TENM4: variants seen among roughly 807,000 people sequenced by gnomAD.
TENM4 encodes teneurin transmembrane protein 4.
TENM4 carries 82 observed loss-of-function variants against 243.3 expected under a neutral mutation model. The ratio of observed to expected loss-of-function variants is 0.34; its 90% CI spans 0.28 to 0.40. TENM4 has a LOEUF of 0.40. TENM4 is among the 10% of genes least tolerant of loss of function. TENM4 has a pLI of 1.00. For missense variants in TENM4, 3,138 were observed against 3,673.3 expected (o/e 0.85, Z 3.77); for synonymous variants, 1,412 against 1,456.3 (o/e 0.97, Z 0.69).
intron 4 of TENM4, among the ~76,000 whole-genome samples, chr11:79,145,398 A>G (rs1862378451): frequency 6.6e-6 from 1 of 152,056 alleles, no homozygotes. Context: ...CCCATTTACC[A>G]ACTCCTCCCT....
At chr11:78,893,800 C>CACACACACACACAT (rs61101897) in intron 7 of TENM4, among the ~76,000 whole-genome samples, 1 of 149,840 alleles carries the variant, frequency 6.7e-6, no homozygotes, top group African/African-American at 2.4e-5. Context: ...CACACACACA[C>CACACACACACACAT]TCCTCTCTTT....
intron 20 of TENM4, among the ~76,000 whole-genome samples, chr11:78,736,482 G>A (rs890439311): frequency 1.2e-4 from 18 of 146,306 alleles, no homozygotes; most frequent in Admixed American, 5.4e-4. Context: ...GTGTGTGTGC[G>A]CGCGCGTGCA....
At chr11:79,393,348 C>T (rs1858275073) in intron 1 of TENM4, among the ~76,000 whole-genome samples, 1 of 151,480 alleles carries the variant, frequency 6.6e-6, no homozygotes, top group Non-Finnish European at 1.5e-5. Flanking sequence ...AGTTCCTAGA[C>T]AGATATCTCT....
chr11:79,170,810 T>G (rs1863023675), intron 3 of TENM4, among the ~76,000 whole-genome samples: 1 of 152,186 alleles, frequency 6.6e-6, no homozygotes, highest in African/African-American at 2.4e-5. Flanking sequence ...TACAGTCTTA[T>G]GGAACCTAGC....
rs980638285 is a variant in TENM4, at chr11:78,653,071, G to A, written c.*4987C>T. On this transcript the variant is annotated 3_prime_UTR_variant, in exon 34 of 34. Transcript: ENST00000278550. ...TTTATTCCTGTCATGCAATTGCAAA[G>A]TCAAGCTTCAGGGTCTTAGAGACCC... 6.6e-6 allele frequency: 1 copy of A among 152,248 alleles called. No individual in the cohort carries two copies. The highest frequency in any genetic ancestry group is 6.5e-5 in the Admixed American group (1 of 15,290). 9.4% of individuals were successfully genotyped at this position (152,248 alleles called of 1,614,324 possible).
intron 4 of TENM4, among the ~76,000 whole-genome samples, chr11:79,126,817 G>A (rs1861888217): frequency 6.6e-6 from 1 of 152,144 alleles, no homozygotes; most frequent in South Asian, 2.1e-4. Flanking sequence ...AATTTATCCA[G>A]TGAATCTTTC....
intron 1 of TENM4, among the ~76,000 whole-genome samples, chr11:79,340,082 G>C (rs1463611341): frequency 6.6e-6 from 1 of 152,224 alleles, no homozygotes; most frequent in Non-Finnish European, 1.5e-5. Flanking sequence ...CGCAATGGAA[G>C]ATAAAGTGTC....
chr11:79,163,978 G>GTCTATATATCTATATATAGTT lies in TENM4; in HGVS notation c.-162-15173_-162-15172insAACTATATATAGATATATAGA, dbSNP rs1281573646. 3.9e-5 allele frequency among the ~76,000 whole-genome samples: 5 copies of GTCTATATATCTATATATAGTT among 126,720 alleles called. No individual in the cohort carries two copies. In the East Asian group the frequency reaches 1.1e-3, roughly 27 times the overall value. The allele number at this position is 126,720 out of a possible 152,430, so 83.1% of individuals were successfully genotyped here. On this transcript the variant is annotated intron_variant, in intron 3 of 33. Transcript: ENST00000278550. ...ATATATCTATATATCTATATATAGT[G>GTCTATATATCTATATATAGTT]TATATATAGTGTATATATAGTATAG...
rs549778391 is a variant in TENM4, at chr11:78,655,759, G to A, written c.*2299C>T. On this transcript the variant is annotated 3_prime_UTR_variant, in exon 34 of 34. Transcript: ENST00000278550. ...CTGATCAACTGGGCAGGAGCACTTT[G>A]CCCAAGGGCCCTTGGTATGAAGAGT... The A allele has an allele frequency of 6.6e-6, 1 of 152,196 alleles. No homozygotes were observed. The highest frequency in any genetic ancestry group is 2.4e-5 in the African/African-American group (1 of 41,430). 9.4% of individuals were successfully genotyped at this position (152,196 alleles called of 1,614,324 possible).
intron 1 of TENM4, among the ~76,000 whole-genome samples, chr11:79,328,532 A>ACCC (rs1175117242): frequency 6.6e-6 from 1 of 151,682 alleles, no homozygotes; most frequent in Non-Finnish European, 1.5e-5. Context: ...AAACCCCACA[A>ACCC]CTGTGACCCT....
chr11:79,413,407 C>T (rs1858742922), intron 1 of TENM4, among the ~76,000 whole-genome samples: 1 of 152,212 alleles, frequency 6.6e-6, no homozygotes, highest in Non-Finnish European at 1.5e-5. Context: ...CTAGGCAGCT[C>T]TGCCTTTCCC....
intron 6 of TENM4, among the ~76,000 whole-genome samples, chr11:78,970,625 G>A (rs538239745): frequency 1.3e-5 from 2 of 152,248 alleles, no homozygotes; most frequent in Admixed American, 1.3e-4. Flanking sequence ...CAAGATCGTG[G>A]GCAAAGCAGT....
intron 2 of TENM4, among the ~76,000 whole-genome samples, chr11:79,247,618 T>C (rs559468543): frequency 5.5e-4 from 83 of 152,232 alleles, no homozygotes; most frequent in African/African-American, 1.9e-3. Context: ...AGCACTGCAA[T>C]GCAACCATTA....
At chr11:78,824,503 CTT>C (rs35834549) in intron 12 of TENM4, among the ~76,000 whole-genome samples, 27 of 136,948 alleles carry the variant, frequency 2.0e-4, no homozygotes, top group Admixed American at 2.2e-4. Context: ...TTCTTTCTTT[CTT>C]TTTTTTTTTT....
intron 6 of TENM4, among the ~76,000 whole-genome samples, chr11:79,021,124 C>A (rs2136803688): frequency 6.6e-6 from 1 of 152,298 alleles, no homozygotes; most frequent in Non-Finnish European, 1.5e-5. Context: ...ATTTTATATA[C>A]CTTACTGAGT....
intron 1 of TENM4, among the ~76,000 whole-genome samples, chr11:79,313,403 A>G (rs1004241832): frequency 6.6e-6 from 1 of 152,186 alleles, no homozygotes; most frequent in Admixed American, 6.5e-5. Flanking sequence ...ATCCCATGTC[A>G]TGTTCTCCAA....
At chr11:78,874,478 C>A (rs1264520681) in intron 9 of TENM4, among the ~76,000 whole-genome samples, 1 of 152,140 alleles carries the variant, frequency 6.6e-6, no homozygotes, top group African/African-American at 2.4e-5. Context: ...AAACCACCCA[C>A]ACAGTTTCAG....
At chr11:78,920,582 C>T (rs1267299414) in intron 6 of TENM4, among the ~76,000 whole-genome samples, 2 of 152,114 alleles carry the variant, frequency 1.3e-5, no homozygotes, top group Admixed American at 6.5e-5. Flanking sequence ...ATCACACTTA[C>T]TCACATTGAT....
chr11:78,913,458 G>C (rs1856237105), intron 6 of TENM4, among the ~76,000 whole-genome samples: 1 of 152,114 alleles, frequency 6.6e-6, no homozygotes, highest in Admixed American at 6.5e-5. Flanking sequence ...AAAGCTTTCT[G>C]GCTGTCAAGT....
Sources: allele counts gnomAD v4.1 joint callset (sites outside exome capture counted in the v4.1 genomes callset), GRCh38; gene constraint gnomAD v4.1.1; transcripts MANE v1.5; gene names NCBI Gene and HGNC (gene_info 2026-07-23, HGNC 2026-07-21).